MYT1L: variants seen among roughly 807,000 people sequenced by gnomAD.
MYT1L encodes myelin transcription factor 1 like.
MYT1L carries 12 observed loss-of-function variants against 126.7 expected under a neutral mutation model. The ratio of observed to expected loss-of-function variants is 0.09; its 90% CI spans 0.06 to 0.15. The LOEUF (loss-of-function observed/expected upper bound fraction) is 0.15, where lower values mean the gene tolerates loss of function less well. Ranked by LOEUF, MYT1L falls within the 10% of genes least tolerant of loss-of-function variation. The pLI is 1.00. For missense variants in MYT1L, 979 were observed against 1,585.2 expected (o/e 0.62, Z 6.49); for synonymous variants, 541 against 604.2 (o/e 0.90, Z 1.53).
intron 18 of MYT1L, among the ~76,000 whole-genome samples, chr2:1,863,701 C>G (rs1030829402): frequency 4.3e-5 from 6 of 138,458 alleles, no homozygotes; most frequent in Non-Finnish European, 6.4e-5. Context: ...GTGGTGGCGA[C>G]AGTGGAAGGA....
chr2:1,819,620 C>T (rs774723866), intron 21 of MYT1L, among the ~76,000 whole-genome samples: 2 of 152,210 alleles, frequency 1.3e-5, no homozygotes, highest in African/African-American at 2.4e-5. Flanking sequence ...CAGTGCAGTT[C>T]GGGCAGAGGC....
chr2:2,168,861 T>A (rs2089575154), intron 3 of MYT1L, among the ~76,000 whole-genome samples: 1 of 152,178 alleles, frequency 6.6e-6, no homozygotes, highest in South Asian at 2.1e-4. Context: ...TAATGCTCAG[T>A]CCCGAGGCCC....
chr2:1,994,280 T>A (rs2061659771), intron 5 of MYT1L, among the ~76,000 whole-genome samples: 1 of 152,056 alleles, frequency 6.6e-6, no homozygotes, highest in Non-Finnish European at 1.5e-5. Context: ...TGCTCCCTCC[T>A]CCCAGCGAGT....
rs141106057 is a variant in MYT1L, at chr2:1,792,691, T to C, written c.3277-227A>G. On this transcript the variant is annotated intron_variant, in intron 23 of 24. Coordinates refer to ENST00000647738, the MANE Select transcript of MYT1L (RefSeq NM_001303052.2). ...TCAAGACCAGCCTGGCCAACGTGGT[T>C]AAACCCTGTCTCTACTAAAAATACA... is the stretch of plus-strand genomic sequence containing the variant. Among the ~76,000 whole-genome samples the C allele has an allele frequency of 3.5e-3, 533 of 151,884 alleles. 5 individuals are homozygous for C. The highest frequency in any genetic ancestry group is 0.012 in the African/African-American group (513 of 41,458).
chr2:1,796,353 C>T (rs1228263860), intron 23 of MYT1L, among the ~76,000 whole-genome samples: 1 of 152,168 alleles, frequency 6.6e-6, no homozygotes, highest in Non-Finnish European at 1.5e-5. Flanking sequence ...AGGGTGTAAC[C>T]CCAAGGAAAG....
intron 2 of MYT1L, among the ~76,000 whole-genome samples, chr2:2,205,806 A>G (rs191986500): frequency 9.9e-5 from 15 of 152,138 alleles, no homozygotes; most frequent in African/African-American, 3.1e-4. Context: ...CTCTTCACAT[A>G]TGGGTTAAAG....
chr2:2,010,202 T>C (rs2063694284), intron 4 of MYT1L, among the ~76,000 whole-genome samples: 1 of 152,176 alleles, frequency 6.6e-6, no homozygotes, highest in South Asian at 2.1e-4. Flanking sequence ...CTTAGCTGCT[T>C]TTCTGTGTAG....
intron 13 of MYT1L, among the ~76,000 whole-genome samples, chr2:1,908,145 A>C (rs2051360888): frequency 6.6e-6 from 1 of 152,238 alleles, no homozygotes; most frequent in Non-Finnish European, 1.5e-5. Flanking sequence ...CTCGGTTGGC[A>C]TTTGGTGGGG....
At chr2:2,086,631 T>C (rs1047428244) in intron 3 of MYT1L, among the ~76,000 whole-genome samples, 1 of 152,148 alleles carries the variant, frequency 6.6e-6, no homozygotes, top group African/African-American at 2.4e-5. Context: ...GGTCCCTGGC[T>C]TCTGCCTGCC....
chr2:2,297,345 CAG>C (rs1252332878), intron 1 of MYT1L, among the ~76,000 whole-genome samples: 2 of 152,204 alleles, frequency 1.3e-5, no homozygotes, highest in African/African-American at 4.8e-5. Context: ...GATGGCATGA[CAG>C]GGGACCGTGT....
At chr2:1,878,320 C>T (rs55946382) in intron 18 of MYT1L, among the ~76,000 whole-genome samples, 34 of 152,104 alleles carry the variant, frequency 2.2e-4, no homozygotes, top group Non-Finnish European at 8.8e-5. Context: ...AAAAAAGATA[C>T]CAGTATATTA....
At chr2:2,146,087 T>C (rs1257222202) in intron 3 of MYT1L, among the ~76,000 whole-genome samples, 1 of 152,218 alleles carries the variant, frequency 6.6e-6, no homozygotes, top group African/African-American at 2.4e-5. Flanking sequence ...CTGATTCCAA[T>C]GGCCATTATG....
At chr2:1,893,381 G>A (rs1020116892) in intron 14 of MYT1L, among the ~76,000 whole-genome samples, 26 of 152,118 alleles carry the variant, frequency 1.7e-4, no homozygotes, top group African/African-American at 6.0e-4. Context: ...AAATCCCTCC[G>A]TCAGTGAGCC....
chr2:1,883,715 G>T (rs2047855166), intron 18 of MYT1L, among the ~76,000 whole-genome samples: 1 of 152,134 alleles, frequency 6.6e-6, no homozygotes, highest in Non-Finnish European at 1.5e-5. Context: ...AAGTCTGCCA[G>T]GCACAGAGGC....
chr2:1,850,181 C>CT (rs2043054887), intron 19 of MYT1L, among the ~76,000 whole-genome samples: 1 of 118,026 alleles, frequency 8.5e-6, no homozygotes, highest in East Asian at 2.6e-4. Context: ...CCTCCCCCTC[C>CT]CCCTTCCTTC....
intron 3 of MYT1L, among the ~76,000 whole-genome samples, chr2:2,105,234 C>T (rs559448195): frequency 2.0e-5 from 3 of 152,136 alleles, no homozygotes; most frequent in Non-Finnish European, 1.5e-5. Context: ...TCCCCGGCAG[C>T]GTGGACACCC....
intron 1 of MYT1L, among the ~76,000 whole-genome samples, chr2:2,321,225 G>T (rs2096159036): frequency 6.6e-6 from 1 of 152,186 alleles, no homozygotes; most frequent in South Asian, 2.1e-4. Context: ...CTCTTGCCCA[G>T]ATGCATTAGG....
chr2:1,861,893 TCC>T (rs2044695326), intron 18 of MYT1L, among the ~76,000 whole-genome samples: 1 of 4,138 alleles, frequency 2.4e-4, no homozygotes. Flanking sequence ...TCCTGGATCC[TCC>T]TACAGCCTGT....
intron 2 of MYT1L, among the ~76,000 whole-genome samples, chr2:2,213,666 T>C (rs989798009): frequency 2.6e-5 from 4 of 152,210 alleles, no homozygotes; most frequent in South Asian, 2.1e-4. Context: ...TGAATATTAC[T>C]CAGCTACTGC....
Sources: gnomAD v4.1 joint callset for allele counts (sites outside exome capture counted in the v4.1 genomes callset) on GRCh38, gnomAD v4.1.1 for gene constraint, MANE v1.5 for transcripts, NCBI Gene and HGNC (gene_info 2026-07-23, HGNC 2026-07-21) for gene names.